Variants in CSF1R observed in about 807,000 individuals in gnomAD.
The protein encoded by CSF1R is macrophage colony-stimulating factor 1 receptor.
In CSF1R, 40 loss-of-function variants were observed where a neutral mutation model predicts 110.0. That is an observed-to-expected ratio of 0.36 (90% CI 0.28 to 0.47). The LOEUF (loss-of-function observed/expected upper bound fraction) is 0.47, where lower values mean the gene tolerates loss of function less well. Among genes scored for constraint, CSF1R ranks in the 20% least tolerant of loss-of-function variants. The probability of loss-of-function intolerance (pLI) is 0.99; values close to 1 mark genes in which losing one functional copy is unlikely to be tolerated. For missense variants in CSF1R, 1,052 were observed against 1,253.0 expected (o/e 0.84, Z 2.42); for synonymous variants, 523 against 503.4 (o/e 1.04, Z -0.52).
rs149872699 is a variant in CSF1R, at chr5:150,056,081, C to T, written c.2499G>A (p.Thr833=). 8.8e-5 allele frequency: 142 copies of T among 1,614,230 alleles called. No homozygotes were observed. In the East Asian group the frequency reaches 2.3e-3, roughly 26 times the overall value. ...CATAGGACCAGACGTCGCTCTGAAC[C>T]GTGTAGACACAGTCAAAGATGCTCT... ...APESIFDCVY[T]VQSDVWSYGI... The change falls in exon 18 of 21, where the codon ACG becomes ACA. Residue 833 remains threonine, a synonymous_variant. Transcript: ENST00000675795.
chr5:150,082,128 C>A (rs990224767), intron 1 of CSF1R, among the ~76,000 whole-genome samples: 1 of 152,238 alleles, frequency 6.6e-6, no homozygotes, highest in Non-Finnish European at 1.5e-5. Flanking sequence ...GTGCCACTTG[C>A]GGGGCAGCTG....
chr5:150,105,435 C>T (rs1281676797), intron 1 of CSF1R, among the ~76,000 whole-genome samples: 1 of 145,870 alleles, frequency 6.9e-6, no homozygotes, highest in African/African-American at 2.5e-5. Context: ...AGGCTGATCT[C>T]GAACTCCTGA....
In CSF1R at chr5:150,068,591, C is replaced by T. The variant is rs556209714; in HGVS notation, c.1511-261G>A. 1.6e-3 allele frequency among the ~76,000 whole-genome samples: 241 copies of T among 152,302 alleles called. 1 individual carries two copies. Among genetic ancestry groups the T allele is most frequent in the African/African-American group, 5.4e-3 (226 of 41,568 alleles). On this transcript the variant is annotated intron_variant, in intron 9 of 20. Transcript: ENST00000675795. Reference sequence around the variant, plus strand: ...GCCTCCTGTGGCTGGGGGTAGGGAGCCTCTGGGGTCATGCAGTCTCACCCT... The same window carrying T: ...GCCTCCTGTGGCTGGGGGTAGGGAGTCTCTGGGGTCATGCAGTCTCACCCT...
chr5:150,061,467 C>G, intron 12 of CSF1R, 24 bp downstream of exon 12: 2 of 883,440 alleles, frequency 2.3e-6, no homozygotes, highest in Non-Finnish European at 3.4e-6. Flanking sequence ...CCCATCCCTT[C>G]CCTCATCCCC....
At chr5:150,111,982 G>A (rs747748914) in intron 1 of CSF1R, among the ~76,000 whole-genome samples, 2 of 152,164 alleles carry the variant, frequency 1.3e-5, no homozygotes, top group Non-Finnish European at 2.9e-5. Flanking sequence ...ACACGCTGGT[G>A]ATCATTACCT....
intron 16 of CSF1R, 31 bp from the exon 17 acceptor site, chr5:150,056,372 G>A: frequency 6.2e-7 from 1 of 1,613,072 alleles, no homozygotes; most frequent in Non-Finnish European, 8.5e-7. Context: ...GTTAGTCTTG[G>A]GCCTTCTCCT....
At chr5:150,088,405 T>G (rs1038310060), upstream of CSF1R, among the ~76,000 whole-genome samples, 2 of 152,310 alleles carry the variant, frequency 1.3e-5, no homozygotes, top group Non-Finnish European at 2.9e-5. Flanking sequence ...GAAGCCAGCA[T>G]TTTTCTGGTA....
intron 1 of CSF1R, 141 bp downstream of exon 1, chr5:150,086,238 A>T: frequency 1.3e-6 from 1 of 769,624 alleles, no homozygotes; most frequent in South Asian, 1.8e-5. Flanking sequence ...TCCAAAGCAG[A>T]TACCCACAAG....
chr5:150,095,375 C>A (rs944902235), intron 1 of CSF1R, among the ~76,000 whole-genome samples: 1 of 152,120 alleles, frequency 6.6e-6, no homozygotes, highest in African/African-American at 2.4e-5. Flanking sequence ...ATACCATATT[C>A]TATCACTTAA....
chr5:150,086,581 G>A (rs1338921977), upstream of CSF1R: 1 of 640,942 alleles, frequency 1.6e-6, no homozygotes, highest in Non-Finnish European at 2.7e-6. Context: ...CCTCCTCCTT[G>A]GGCTGATCCT....
In CSF1R at chr5:150,111,503, C is replaced by T. The variant is rs922766879; in HGVS notation, c.-181+1758G>A. On this transcript the variant is annotated intron_variant, in intron 1 of 21. Coordinates refer to the CSF1R transcript ENST00000286301. ...GTTTTTATTATTTTTCTCTAGCTCT[C>T]AGATGATGTTAGCTTTCCTTTCTCA... is the stretch of plus-strand genomic sequence containing the variant. 2.0e-5 allele frequency among the ~76,000 whole-genome samples: 3 copies of T among 152,242 alleles called. No individual in the cohort carries two copies. In the South Asian group the frequency reaches 6.2e-4, roughly 31 times the overall value.
chr5:150,097,262 A>G (rs925930695), intron 1 of CSF1R, among the ~76,000 whole-genome samples: 11 of 90,318 alleles, frequency 1.2e-4, no homozygotes, highest in Non-Finnish European at 2.0e-4. Context: ...AAAAAAAGAA[A>G]GGGAAAGAAG....
At chr5:150,103,019 TCATA>T (rs1241833199) in intron 1 of CSF1R, among the ~76,000 whole-genome samples, 1 of 152,224 alleles carries the variant, frequency 6.6e-6, no homozygotes, top group Non-Finnish European at 1.5e-5. Flanking sequence ...TTCCATTTTC[TCATA>T]CAGGCCTGGG....
chr5:150,058,339 A>G (rs930043452), intron 14 of CSF1R: 9 of 456,114 alleles, frequency 2.0e-5, no homozygotes, highest in African/African-American at 1.8e-4. Context: ...TACTGCTCCT[A>G]ACGTTCCAGC....
chr5:150,056,015 C>T lies in CSF1R; in HGVS notation c.2554+11G>A, dbSNP rs2113777959. 1 of 1,612,506 alleles carries T rather than the reference C, an allele frequency of 6.2e-7. No individual in the cohort carries two copies. The highest frequency in any genetic ancestry group is 8.5e-7 in the Non-Finnish European group (1 of 1,178,686). ...CCCCAGGCTCTGCCTGGAGTGGGCCCAGTGGCTCACCAAGTGAGAAGATCT... is the reference window on the plus strand; with the variant it reads ...CCCCAGGCTCTGCCTGGAGTGGGCCTAGTGGCTCACCAAGTGAGAAGATCT... On this transcript the variant is annotated intron_variant, in intron 18 of 20. Coordinates refer to ENST00000675795, the MANE Select transcript of CSF1R (RefSeq NM_001288705.3).
chr5:150,100,830 T>A (rs752432333), intron 1 of CSF1R, among the ~76,000 whole-genome samples: 2 of 152,096 alleles, frequency 1.3e-5, no homozygotes, highest in African/African-American at 2.4e-5. Context: ...TATCCATCAA[T>A]AATAGAATAG....
rs537142109 is a variant in CSF1R at position 150,111,423 on chromosome 5, A to G, written c.-181+1838T>C. On this transcript the variant is annotated intron_variant, in intron 1 of 21. Transcript: ENST00000286301. ...AGGGGCTGACCTGTGGTTACCCCAG[A>G]CCCTGCCTGCCCTCTGCACAGGGGC... Among the ~76,000 whole-genome samples, 12 of 152,140 alleles carry G rather than the reference A, an allele frequency of 7.9e-5. No individual in the cohort carries two copies. The South Asian group carries it at 2.5e-3, about 32-fold the overall frequency.
At chr5:150,066,519 C>T (rs1279607880) in intron 10 of CSF1R, among the ~76,000 whole-genome samples, 1 of 152,154 alleles carries the variant, frequency 6.6e-6, no homozygotes, top group African/African-American at 2.4e-5. Context: ...GAAACTAAGG[C>T]CCAGAGAGGA....
chr5:150,110,141 C>T (rs1397928388), intron 1 of CSF1R, among the ~76,000 whole-genome samples: 2 of 152,180 alleles, frequency 1.3e-5, no homozygotes, highest in African/African-American at 4.8e-5. Flanking sequence ...GCCACCTGTT[C>T]GTATCCACCT....
Sources: allele counts gnomAD v4.1 joint callset (sites outside exome capture counted in the v4.1 genomes callset), GRCh38; gene constraint gnomAD v4.1.1; transcripts MANE v1.5; gene names NCBI Gene and HGNC (gene_info 2026-07-23, HGNC 2026-07-21).